Variants in UTP25 observed in about 807,000 individuals in gnomAD.
UTP25 encodes the protein UTP25 small subunit processome component.
UTP25 carries 50 observed loss-of-function variants against 78.9 expected under a neutral mutation model. The observed-to-expected ratio is 0.63, with a 90% CI of 0.50 to 0.80. UTP25 has a LOEUF of 0.80. Among genes scored for constraint, UTP25 ranks in the 30% least tolerant of loss-of-function variants. UTP25 has a pLI of 0.00. For missense variants in UTP25, 846 were observed against 911.3 expected, an observed-to-expected ratio of 0.93 and a Z score of 0.92; for synonymous variants, 329 against 336.5, an observed-to-expected ratio of 0.98 and a Z score of 0.24.
rs1445818578 is a variant in UTP25, at chr1:209,842,806, G to T, written c.1781+111G>T. ...GCTTTTATTGATAACTACCAAATCA[G>T]TTGAGATAATTGAACTTAATTATGT... is the stretch of plus-strand genomic sequence containing the variant. On this transcript the variant is annotated intron_variant, in intron 10 of 11. Coordinates refer to ENST00000491415, the MANE Select transcript of UTP25 (RefSeq NM_014388.7). 4.1e-6 allele frequency: 3 copies of T among 727,310 alleles called. No homozygotes were observed. The African/African-American group carries it at 5.3e-5, about 13-fold the overall frequency. 45.1% of individuals were successfully genotyped at this position (727,310 alleles called of 1,614,324 possible).
In UTP25 at chr1:209,857,523, T is replaced by C. The variant is rs1204110005; in HGVS notation, c.*6076T>C. Reference sequence around the variant, plus strand: ...AATAATAACCAACAATGTGTGTGTATGTATATATATGCTTTTGCATTAAAA... The same window carrying C: ...AATAATAACCAACAATGTGTGTGTACGTATATATATGCTTTTGCATTAAAA... On this transcript the variant is annotated 3_prime_UTR_variant, in exon 12 of 12. Transcript: ENST00000491415. 2 of 152,302 alleles carry C rather than the reference T, an allele frequency of 1.3e-5. No homozygotes were observed. Among genetic ancestry groups the C allele is most frequent in the Middle Eastern group, 3.4e-3 (1 of 294 alleles). The allele number at this position is 152,302 out of a possible 1,614,324, so 9.4% of individuals were successfully genotyped here. A position where few individuals can be genotyped will look rare whatever the true frequency, so the allele number is the denominator to read the frequency against.
At position 209,851,731 on chromosome 1, in the gene UTP25, CAT is replaced by C. The variant is rs2078240753; in HGVS notation, c.*286_*287del. On this transcript the variant is annotated 3_prime_UTR_variant, in exon 12 of 12. Coordinates refer to ENST00000491415, the MANE Select transcript of UTP25 (RefSeq NM_014388.7). The stretch of plus-strand genomic sequence containing the variant: ...CCCACTTGTGAATATTTTTGTGAGA[CAT>C]AAATTCTTTTATTACGATTTACCTC... The C allele has an allele frequency of 3.6e-6, 1 of 274,370 alleles. No homozygotes were observed. The highest frequency in any genetic ancestry group is 6.9e-5 in the East Asian group (1 of 14,464). 17.0% of individuals were successfully genotyped at this position (274,370 alleles called of 1,614,324 possible).
At chr1:209,849,717 A>G (rs2102583129) in intron 11 of UTP25, among the ~76,000 whole-genome samples, 1 of 152,318 alleles carries the variant, frequency 6.6e-6, no homozygotes, top group Admixed American at 6.5e-5. Context: ...AGGAGCATCC[A>G]GGGATCCCTG....
Position 209,856,278 on chromosome 1 carries a change from A to C in UTP25, c.*4831A>C, listed in dbSNP as rs921699837. The C allele has an allele frequency of 3.3e-5, 5 of 152,268 alleles. No homozygotes were observed. The highest frequency in any genetic ancestry group is 1.2e-4 in the African/African-American group (5 of 41,446). 9.4% of individuals were successfully genotyped at this position (152,268 alleles called of 1,614,324 possible). A position where few individuals can be genotyped will look rare whatever the true frequency, so the allele number is the denominator to read the frequency against. ...TTCCAGAACGCTGGACTTTAATGAG[A>C]TAACAAAGTACCTAGTAAAAACACT... On this transcript the variant is annotated 3_prime_UTR_variant, in exon 12 of 12. Coordinates refer to ENST00000491415, the MANE Select transcript of UTP25 (RefSeq NM_014388.7).
chr1:209,841,990 G>A (rs1429871413), intron 8 of UTP25, among the ~76,000 whole-genome samples: 1 of 152,154 alleles, frequency 6.6e-6, no homozygotes, highest in Non-Finnish European at 1.5e-5. Context: ...AGAGAGACCA[G>A]TGTGGCATTT....
intron 11 of UTP25, among the ~76,000 whole-genome samples, chr1:209,847,548 G>T (rs1276827626): frequency 6.6e-6 from 1 of 152,176 alleles, no homozygotes; most frequent in Admixed American, 6.5e-5. Flanking sequence ...TGTTACTACA[G>T]TAATATCATC....
intron 11 of UTP25, among the ~76,000 whole-genome samples, chr1:209,849,034 TG>T (rs1454252501): frequency 1.3e-5 from 2 of 152,132 alleles, no homozygotes; most frequent in African/African-American, 4.8e-5. Context: ...CAGCTGTCAC[TG>T]AGGCCTTGAC....
Position 209,836,796 on chromosome 1 carries a change from C to T in UTP25, c.652-5C>T. On this transcript the variant is annotated splice_polypyrimidine_tract_variant and splice_region_variant and intron_variant, in intron 5 of 11. Coordinates refer to ENST00000491415, the MANE Select transcript of UTP25 (RefSeq NM_014388.7). The stretch of plus-strand genomic sequence containing the variant: ...AATTTGGCTCTTGATCTGTTTCTCC[C>T]CTAGTGGCCTATTCTGGGCCAGCTT... The T allele has an allele frequency of 5.7e-6, 9 of 1,586,310 alleles. No homozygotes were observed. Among genetic ancestry groups the T allele is most frequent in the Non-Finnish European group, 6.8e-6 (8 of 1,168,636 alleles).
At position 209,842,298 on chromosome 1, in the gene UTP25, G is replaced by C; in HGVS notation, c.1519G>C (p.Asp507His). Residue 507 changes from aspartate to histidine, a missense_variant, in exon 9 of 12, where the codon GAC becomes CAC. By Grantham distance (81) the Asp-to-His change is moderately conservative. Coordinates refer to ENST00000491415, the MANE Select transcript of UTP25 (RefSeq NM_014388.7). The stretch of plus-strand genomic sequence containing the variant: ...GAATCACATGAACCTACTACCCCTG[G>C]ACTCACATGGGGTAGACTTTTCTCG... ...LMNHMNLLPLDSHGVDFSRVR... is the reference protein window; with the variant it reads ...LMNHMNLLPLHSHGVDFSRVR... 2 of 1,613,936 alleles carry C rather than the reference G, an allele frequency of 1.2e-6. No homozygotes were observed. Among genetic ancestry groups the C allele is most frequent in the East Asian group, 4.5e-5 (2 of 44,886 alleles).
intron 2 of UTP25, 29 bp downstream of exon 2, chr1:209,830,176 T>C: frequency 1.2e-6 from 2 of 1,602,946 alleles, no homozygotes; most frequent in Non-Finnish European, 1.7e-6. Context: ...TTTTTAATAG[T>C]TGGTTTTGGG....
chr1:209,849,845 G>A (rs1278836466), intron 11 of UTP25, among the ~76,000 whole-genome samples: 1 of 152,182 alleles, frequency 6.6e-6, no homozygotes, highest in Non-Finnish European at 1.5e-5. Flanking sequence ...TCTGCCTAAG[G>A]TGCAGTAGTT....
chr1:209,841,253 G>T (rs1263341547), intron 8 of UTP25, among the ~76,000 whole-genome samples, 198 bp downstream of exon 8: 1 of 152,226 alleles, frequency 6.6e-6, no homozygotes, highest in Non-Finnish European at 1.5e-5. Flanking sequence ...TAATTAAACT[G>T]TCTACAGATT....
At chr1:209,838,604 T>TA (rs1183442349) in intron 6 of UTP25, among the ~76,000 whole-genome samples, 1 of 152,236 alleles carries the variant, frequency 6.6e-6, no homozygotes, top group East Asian at 1.9e-4. Context: ...CTTGAGTTTT[T>TA]ACTGGTAGAC....
At position 209,847,399 on chromosome 1, in the gene UTP25, A is replaced by C. The variant is rs552728166; in HGVS notation, c.2027+3703A>C. On this transcript the variant is annotated intron_variant, in intron 11 of 11. Coordinates refer to ENST00000491415, the MANE Select transcript of UTP25 (RefSeq NM_014388.7). Reference sequence around the variant, plus strand: ...CTCTCTATCCCCACTCACATCTCTTATTTTTTCTTCCTGAACCATTTGAAA... The same window carrying C: ...CTCTCTATCCCCACTCACATCTCTTCTTTTTTCTTCCTGAACCATTTGAAA... 1.3e-4 allele frequency among the ~76,000 whole-genome samples: 20 copies of C among 152,090 alleles called. No individual in the cohort carries two copies. The East Asian group carries it at 3.7e-3, about 28-fold the overall frequency.
rs1032881967 is a variant in UTP25 at position 209,836,932 on chromosome 1, C to T, written c.783C>T (p.Asn261=). The change falls in exon 6 of 12, where the codon AAC becomes AAT. Residue 261 remains asparagine, a synonymous_variant. Coordinates refer to ENST00000491415, the MANE Select transcript of UTP25 (RefSeq NM_014388.7). The stretch of plus-strand genomic sequence containing the variant: ...TGGAATCCACCTGGACTAAGACCAA[C>T]AGCCAGTTCCTATCTGGTCCCCAAA... ...KPLESTWTKT[N]SQFLSGPQKS... 3 of 1,614,160 alleles carry T rather than the reference C, an allele frequency of 1.9e-6. No individual in the cohort carries two copies. Among genetic ancestry groups the T allele is most frequent in the Non-Finnish European group, 2.5e-6 (3 of 1,180,024 alleles).
chr1:209,840,755 T>G, intron 7 of UTP25, 98 bp from the exon 8 acceptor site: 1 of 1,115,968 alleles, frequency 9.0e-7, no homozygotes, highest in Non-Finnish European at 1.4e-6. Context: ...ACAAAAGAGA[T>G]GTGGAAGCAA....
At chr1:209,843,122 G>A in intron 10 of UTP25, 3 of 387,390 alleles carry the variant, frequency 7.7e-6, no homozygotes, top group Non-Finnish European at 9.4e-6. Context: ...TATGGTAGAT[G>A]TTCAGTGATT....
chr1:209,829,893 G>A (rs1047587417), intron 1 of UTP25, among the ~76,000 whole-genome samples: 1 of 152,150 alleles, frequency 6.6e-6, no homozygotes, highest in Non-Finnish European at 1.5e-5. Flanking sequence ...TGTGACTCTA[G>A]GGTTTGTCAT....
rs995747375 is a variant in UTP25, at chr1:209,854,534, A to AG, written c.*3093dup. 7 of 152,224 alleles carry AG rather than the reference A, an allele frequency of 4.6e-5. No individual in the cohort carries two copies. Among genetic ancestry groups the AG allele is most frequent in the African/African-American group, 1.4e-4 (6 of 41,450 alleles). 9.4% of individuals were successfully genotyped at this position (152,224 alleles called of 1,614,324 possible). On this transcript the variant is annotated 3_prime_UTR_variant, in exon 12 of 12. Coordinates refer to ENST00000491415, the MANE Select transcript of UTP25 (RefSeq NM_014388.7). ...TGACTCCTCATACCCCAGAGGACCA[A>AG]GGGGGGCTCATGAAGGCTCTCAGCC...
Sources: allele counts gnomAD v4.1 joint callset (sites outside exome capture counted in the v4.1 genomes callset), GRCh38; gene constraint gnomAD v4.1.1; transcripts MANE v1.5; gene names NCBI Gene and HGNC (gene_info 2026-07-23, HGNC 2026-07-21).